PCDH15: variants seen among roughly 807,000 people sequenced by gnomAD.
PCDH15 encodes protocadherin-15.
PCDH15 carries 129 observed loss-of-function variants against 178.5 expected under a neutral mutation model. That is an observed-to-expected ratio of 0.72 (90% CI 0.63 to 0.84). PCDH15 has a LOEUF of 0.84. Ranked by LOEUF, PCDH15 falls within the 40% of genes least tolerant of loss-of-function variation. The pLI, the probability that PCDH15 is intolerant of heterozygous loss-of-function variation, is 0.00. For synonymous variants in PCDH15, 800 were observed against 732.0 expected, an observed-to-expected ratio of 1.09 and a Z score of -1.50; for missense variants, 2,230 against 2,099.9, an observed-to-expected ratio of 1.06 and a Z score of -1.21.
chr10:54,369,447 T>G (rs1365562402), intron 4 of PCDH15, among the ~76,000 whole-genome samples, 172 bp from the exon 5 acceptor site: 3 of 152,022 alleles, frequency 2.0e-5, no homozygotes, highest in Admixed American at 6.6e-5. Flanking sequence ...CATAATTAAT[T>G]TATTGTTTAA....
chr10:54,512,656 T>C (rs903060251), intron 3 of PCDH15, among the ~76,000 whole-genome samples: 1 of 150,556 alleles, frequency 6.6e-6, no homozygotes, highest in Non-Finnish European at 1.5e-5. Flanking sequence ...ATTTGCAGTT[T>C]CTTAGAGGTT....
intron 1 of PCDH15, among the ~76,000 whole-genome samples, chr10:55,310,161 C>T (rs752438894): frequency 2.0e-5 from 3 of 151,980 alleles, no homozygotes. Context: ...GTTTTTTTAT[C>T]ACATTAAAAA....
intron 8 of PCDH15, among the ~76,000 whole-genome samples, chr10:54,306,255 A>G (rs371417552): frequency 6.6e-6 from 1 of 151,980 alleles, no homozygotes; most frequent in East Asian, 1.9e-4. Flanking sequence ...TTTCTATTAG[A>G]CACACTTTCA....
intron 2 of PCDH15, among the ~76,000 whole-genome samples, chr10:54,963,989 T>A (rs889899469): frequency 1.3e-5 from 2 of 151,990 alleles, no homozygotes; most frequent in South Asian, 2.1e-4. Context: ...TGTAACTACA[T>A]GTGGGGAAAA....
chr10:54,541,917 CTT>C (rs772270764), intron 2 of PCDH15, among the ~76,000 whole-genome samples: 10 of 152,086 alleles, frequency 6.6e-5, no homozygotes, highest in Non-Finnish European at 1.2e-4. Context: ...CTTAATAAGT[CTT>C]TGTTTGCAGA....
At chr10:53,920,995 T>C (rs1485966182) in intron 25 of PCDH15, among the ~76,000 whole-genome samples, 1 of 152,176 alleles carries the variant, frequency 6.6e-6, no homozygotes. Context: ...TTTGCACAAA[T>C]TTTAGAAGTA....
intron 8 of PCDH15, among the ~76,000 whole-genome samples, chr10:54,275,479 T>C (rs996205318): frequency 2.0e-5 from 3 of 151,860 alleles, no homozygotes; most frequent in Non-Finnish European, 2.9e-5. Context: ...CCTGATGATA[T>C]GCCAATTCTC....
chr10:54,723,800 A>T (rs1046996239), intron 1 of PCDH15, among the ~76,000 whole-genome samples: 1 of 151,978 alleles, frequency 6.6e-6, no homozygotes, highest in African/African-American at 2.4e-5. Flanking sequence ...GCTAAACATC[A>T]GTAATCATCA....
chr10:55,112,613 T>C (rs1208954065), intron 2 of PCDH15, among the ~76,000 whole-genome samples: 1 of 152,056 alleles, frequency 6.6e-6, no homozygotes, highest in African/African-American at 2.4e-5. Flanking sequence ...ACCAAACCAG[T>C]AAGGCGCAGT....
intron 2 of PCDH15, among the ~76,000 whole-genome samples, chr10:55,368,228 A>C (rs1845414158): frequency 6.6e-6 from 1 of 150,416 alleles, no homozygotes; most frequent in South Asian, 2.1e-4. Context: ...GTAATCAACA[A>C]TGGCAAGGAA....
intron 35 of PCDH15, among the ~76,000 whole-genome samples, chr10:53,814,878 C>A (rs528904454): frequency 6.6e-6 from 1 of 151,412 alleles, no homozygotes; most frequent in African/African-American, 2.4e-5. Context: ...GCAGGAGAAT[C>A]GCTTGAACCC....
At position 55,126,459 on chromosome 10, in the gene PCDH15, C is replaced by T. The variant is rs1049801691; in HGVS notation, c.-80+40117G>A. 5.3e-5 allele frequency among the ~76,000 whole-genome samples: 8 copies of T among 152,182 alleles called. 1 individual carries two copies. The East Asian group carries it at 1.4e-3, about 26-fold the overall frequency. On this transcript the variant is annotated intron_variant, in intron 2 of 5. Transcript: ENST00000458638. ...GCTTAACTAGCACATTCCAAATATA[C>T]TTTGGTCTCAATAGGGGTGAAAATA...
intron 22 of PCDH15, among the ~76,000 whole-genome samples, chr10:53,960,981 C>G (rs1282427210): frequency 6.6e-6 from 1 of 151,950 alleles, no homozygotes; most frequent in Non-Finnish European, 1.5e-5. Context: ...TAGAGACAGG[C>G]ATTATTTTGT....
At chr10:54,228,302 C>T (rs1591300631) in intron 9 of PCDH15, among the ~76,000 whole-genome samples, 1 of 152,066 alleles carries the variant, frequency 6.6e-6, no homozygotes, top group Admixed American at 6.5e-5. Context: ...ACATGGATGG[C>T]AGCAGGCAAA....
chr10:54,295,878 C>T, intron 8 of PCDH15, among the ~76,000 whole-genome samples: 1 of 151,262 alleles, frequency 6.6e-6, no homozygotes, highest in Non-Finnish European at 1.5e-5. Context: ...GGCGCGGTGG[C>T]TCACGCCTGT....
chr10:54,573,562 A>G (rs1000744532), intron 2 of PCDH15, among the ~76,000 whole-genome samples: 1 of 152,194 alleles, frequency 6.6e-6, no homozygotes, highest in African/African-American at 2.4e-5. Context: ...TCCCAAAAAT[A>G]ATTTTTAACT....
intron 1 of PCDH15, among the ~76,000 whole-genome samples, chr10:54,693,257 T>A (rs1295611284): frequency 1.3e-5 from 2 of 151,910 alleles, no homozygotes; most frequent in Admixed American, 1.3e-4. Flanking sequence ...TGACGCTCTC[T>A]TTCTTTCTTT....
At chr10:54,870,216 T>C (rs934742944) in intron 3 of PCDH15, among the ~76,000 whole-genome samples, 4 of 152,176 alleles carry the variant, frequency 2.6e-5, no homozygotes, top group Non-Finnish European at 5.9e-5. Context: ...GTTGTTAACA[T>C]GCCTAGTAAT....
At chr10:54,162,403 C>T (rs1457843751) in intron 13 of PCDH15, among the ~76,000 whole-genome samples, 1 of 152,094 alleles carries the variant, frequency 6.6e-6, no homozygotes, top group Non-Finnish European at 1.5e-5. Context: ...GGAAGAAAAG[C>T]AGAATGTAAT....
Sources: allele counts gnomAD v4.1 joint callset (sites outside exome capture counted in the v4.1 genomes callset), GRCh38; gene constraint gnomAD v4.1.1; transcripts MANE v1.5; gene names NCBI Gene and HGNC (gene_info 2026-07-23, HGNC 2026-07-21).